Variants in LAMC3 observed in about 807,000 individuals in gnomAD.
LAMC3 encodes laminin subunit gamma-3.
Under a neutral mutation model 173.8 loss-of-function variants are expected in LAMC3, and 128 were observed. The ratio of observed to expected loss-of-function variants is 0.74; its 90% CI spans 0.64 to 0.85. LAMC3 has a LOEUF of 0.85. LAMC3 is among the 40% of genes least tolerant of loss of function. The pLI is 0.00. For missense variants in LAMC3, 2,022 were observed against 2,156.0 expected (o/e 0.94, Z 1.23); for synonymous variants, 897 against 909.1 (o/e 0.99, Z 0.24).
At chr9:131,055,269 C>G (rs1298307277) in intron 11 of LAMC3, among the ~76,000 whole-genome samples, 1 of 152,114 alleles carries the variant, frequency 6.6e-6, no homozygotes, top group Non-Finnish European at 1.5e-5. Flanking sequence ...TCTCCCTGTT[C>G]TGTGTCTACA....
In LAMC3 at chr9:131,067,064, C is replaced by T; in HGVS notation, c.2452C>T (p.Pro818Ser). 1 of 1,614,120 alleles carries T rather than the reference C, an allele frequency of 6.2e-7. No individual in the cohort carries two copies. Among genetic ancestry groups the T allele is most frequent in the African/African-American group, 1.3e-5 (1 of 75,050 alleles). The change falls in exon 14 of 28, where the codon CCC becomes TCC. Residue 818 changes from proline (P) to serine (S), a missense_variant. Transcript: ENST00000361069. ...GTGCCAGTGTAGCGGGAACGTGGAC[C>T]CCAATGCCGTGGGCAACTGTGACCC... ...HQCQCSGNVD[P>S]NAVGNCDPLS... is the part of the protein sequence containing the mutation.
intron 24 of LAMC3, among the ~76,000 whole-genome samples, chr9:131,083,130 T>G (rs1830271757): frequency 6.6e-6 from 1 of 152,174 alleles, no homozygotes; most frequent in Non-Finnish European, 1.5e-5. Flanking sequence ...ACATTAGAAT[T>G]ATAAGAGGTC....
chr9:131,013,223 C>G (rs1003915340), intron 1 of LAMC3, among the ~76,000 whole-genome samples: 4 of 152,212 alleles, frequency 2.6e-5, no homozygotes, highest in East Asian at 1.9e-4. Context: ...GGACCCTCCC[C>G]CTAACTGCTG....
chr9:131,067,012 C>A lies in LAMC3; in HGVS notation c.2400C>A (p.Leu800=), dbSNP rs1225804512. The part of the protein sequence containing the change: ...DDGFFGDPLG[L]FGHPQPCHQC... ...GCTTTTTTGGGGACCCGCTGGGGCT[C>A]TTTGGGCACCCCCAGCCCTGCCACC... The change falls in exon 14 of 28, where the codon CTC becomes CTA. Residue 800 remains leucine, a synonymous_variant. Transcript: ENST00000361069. 6.2e-7 allele frequency: 1 copy of A among 1,614,034 alleles called. No homozygotes were observed. Among genetic ancestry groups the A allele is most frequent in the Admixed American group, 1.7e-5 (1 of 60,030 alleles).
At position 131,085,510 on chromosome 9, in the gene LAMC3, A is replaced by C. The variant is rs773154938; in HGVS notation, c.4031-14A>C. On this transcript the variant is annotated splice_polypyrimidine_tract_variant and intron_variant, in intron 24 of 27. Coordinates refer to ENST00000361069, the MANE Select transcript of LAMC3 (RefSeq NM_006059.4). ...AGCCCAGTTCCCCTGACCCAGCCTC[A>C]GCCGGGTTTGCAGGAATGAAGCTGC... 2.5e-6 allele frequency: 4 copies of C among 1,613,412 alleles called. No homozygotes were observed. The highest frequency in any genetic ancestry group is 2.2e-5 in the South Asian group (2 of 91,082).
intron 4 of LAMC3, 24 bp from the exon 5 acceptor site, chr9:131,038,840 A>G (rs751210529): frequency 9.3e-6 from 15 of 1,610,540 alleles, no homozygotes; most frequent in Non-Finnish European, 1.2e-5. Flanking sequence ...GGACTCACAC[A>G]CCTTTCCCCA....
In LAMC3 at chr9:131,067,384, G is replaced by T. The variant is rs1206132068; in HGVS notation, c.2593+179G>T. On this transcript the variant is annotated intron_variant, in intron 14 of 27. Transcript: ENST00000361069. ...TGTCTCCATGTCCAGAAAGCACAAGGGTTTGCCCCTCTCCCAGGTCTCTTT... is the reference window on the plus strand; with the variant it reads ...TGTCTCCATGTCCAGAAAGCACAAGTGTTTGCCCCTCTCCCAGGTCTCTTT... Among the ~76,000 whole-genome samples the T allele has an allele frequency of 4.6e-5, 7 of 152,214 alleles. No homozygotes were observed. The East Asian group carries it at 1.2e-3, about 25-fold the overall frequency.
intron 12 of LAMC3, 67 bp from the exon 13 acceptor site, chr9:131,060,968 C>A: frequency 6.5e-7 from 1 of 1,538,582 alleles, no homozygotes; most frequent in Non-Finnish European, 9.0e-7. Context: ...CCTAACCTCT[C>A]CCACCGGGAT....
At chr9:131,056,845 A>C in intron 11 of LAMC3, 84 bp from the exon 12 acceptor site, 1 of 1,023,178 alleles carries the variant, frequency 9.8e-7, no homozygotes, top group Admixed American at 1.7e-5. Flanking sequence ...GGCCTGGTCC[A>C]TATGTGAACA....
At chr9:131,081,196 T>C (rs1274576290) in intron 23 of LAMC3, among the ~76,000 whole-genome samples, 3 of 152,248 alleles carry the variant, frequency 2.0e-5, no homozygotes, top group Non-Finnish European at 4.4e-5. Context: ...GCATCACCTT[T>C]TCAGGGTTCA....
chr9:131,061,710 G>C (rs927343376), intron 13 of LAMC3, among the ~76,000 whole-genome samples: 1 of 152,142 alleles, frequency 6.6e-6, no homozygotes, highest in Non-Finnish European at 1.5e-5. Flanking sequence ...TTAAAAAGCA[G>C]CTTTATTGAG....
intron 7 of LAMC3, among the ~76,000 whole-genome samples, chr9:131,043,272 T>C (rs1295920889): frequency 6.6e-6 from 1 of 152,216 alleles, no homozygotes; most frequent in Non-Finnish European, 1.5e-5. Context: ...GCTCCAGCAG[T>C]GCGGCCAGCA....
At chr9:131,010,155 A>C (rs1259200692) in intron 1 of LAMC3, among the ~76,000 whole-genome samples, 27 of 120,254 alleles carry the variant, frequency 2.2e-4, no homozygotes, top group African/African-American at 9.2e-4. Flanking sequence ...TCCGTCTCAA[A>C]AAAAAAAAAA....
intron 11 of LAMC3, among the ~76,000 whole-genome samples, chr9:131,054,017 CAAAACAA>C (rs1834350176): frequency 9.5e-6 from 1 of 105,170 alleles, no homozygotes; most frequent in African/African-American, 2.7e-5. Context: ...AAAAAAAAAA[CAAAACAA>C]AAAACAAAAC....
chr9:131,087,874 A>G (rs901627681), intron 27 of LAMC3, 57 bp downstream of exon 27: 1 of 1,379,476 alleles, frequency 7.2e-7, no homozygotes, highest in African/African-American at 1.4e-5. Flanking sequence ...CACCTCTAGG[A>G]TCTTCCTGTG....
chr9:131,082,671 A>T (rs1489490875), intron 24 of LAMC3, among the ~76,000 whole-genome samples: 3 of 152,260 alleles, frequency 2.0e-5, no homozygotes, highest in Non-Finnish European at 4.4e-5. Flanking sequence ...AATAGAAGCC[A>T]GCAAGTATTA....
At chr9:131,041,368 A>G (rs796698084) in intron 6 of LAMC3, among the ~76,000 whole-genome samples, 15 of 148,288 alleles carry the variant, frequency 1.0e-4, no homozygotes, top group Admixed American at 9.9e-4. Context: ...CTCTGTCCCA[A>G]AAAAAAAGAT....
intron 13 of LAMC3, among the ~76,000 whole-genome samples, 171 bp downstream of exon 13, chr9:131,061,394 C>T (rs1182223589): frequency 6.6e-6 from 1 of 152,214 alleles, no homozygotes; most frequent in East Asian, 1.9e-4. Context: ...CCCTCAGCCC[C>T]ATAGCCAGAG....
At position 131,009,684 on chromosome 9, in the gene LAMC3, C is replaced by A; in HGVS notation, c.373+97C>A. On this transcript the variant is annotated intron_variant, in intron 1 of 27. Coordinates refer to ENST00000361069, the MANE Select transcript of LAMC3 (RefSeq NM_006059.4). This position sits in a 1 kb window ranked among gnomAD's most constrained non-coding sequence, Gnocchi z 4.3. ...TGAGCTGCTGTGCGCCCAGGTTGGG[C>A]TGCAGGACCCAGATATGGTGTTGGA... The A allele has an allele frequency of 1.4e-6, 2 of 1,422,560 alleles. No individual in the cohort carries two copies. Among genetic ancestry groups the A allele is most frequent in the Non-Finnish European group, 1.9e-6 (2 of 1,047,094 alleles). 88.1% of individuals were successfully genotyped at this position (1,422,560 alleles called of 1,614,324 possible).
Sources: allele counts gnomAD v4.1 joint callset (sites outside exome capture counted in the v4.1 genomes callset), GRCh38; gene constraint gnomAD v4.1.1; non-coding constraint Gnocchi (gnomAD v3.1); transcripts MANE v1.5; gene names NCBI Gene and HGNC (gene_info 2026-07-23, HGNC 2026-07-21).